The following ZEB1 variants were observed in gnomAD, a reference collection of about 807,000 sequenced individuals.
ZEB1 encodes zinc finger E-box binding homeobox 1.
ZEB1 carries 21 observed loss-of-function variants against 84.9 expected under a neutral mutation model. The ratio of observed to expected loss-of-function variants is 0.25; its 90% CI spans 0.18 to 0.36. The LOEUF is 0.36. Among genes scored for constraint, ZEB1 ranks in the 10% least tolerant of loss-of-function variants. The probability of loss-of-function intolerance (pLI) is 1.00; values close to 1 mark genes in which losing one functional copy is unlikely to be tolerated. For missense variants in ZEB1, 1,104 were observed against 1,330.2 expected, an observed-to-expected ratio of 0.83 and a Z score of 2.65; for synonymous variants, 420 against 471.1, an observed-to-expected ratio of 0.89 and a Z score of 1.41.
intron 5 of ZEB1, 29 bp downstream of exon 5, chr10:31,510,904 C>G: frequency 1.9e-6 from 3 of 1,608,304 alleles, no homozygotes; most frequent in Admixed American, 1.7e-5. Context: ...AGTTCACTAA[C>G]TTTCCAGATT....
chr10:31,475,727 T>G (rs1217919847), intron 2 of ZEB1, among the ~76,000 whole-genome samples: 5 of 152,104 alleles, frequency 3.3e-5, no homozygotes, highest in Non-Finnish European at 7.4e-5. Context: ...CTTTCCCAGA[T>G]AAGCACACAT....
intron 1 of ZEB1, among the ~76,000 whole-genome samples, chr10:31,424,567 C>T (rs910266014): frequency 2.6e-5 from 4 of 151,882 alleles, no homozygotes; most frequent in African/African-American, 7.2e-5. Flanking sequence ...ATATTTACTA[C>T]CTTCTTTGTT....
At chr10:31,348,576 GAAAA>G (rs999479075) in intron 1 of ZEB1, among the ~76,000 whole-genome samples, 1 of 151,286 alleles carries the variant, frequency 6.6e-6, no homozygotes, top group Non-Finnish European at 1.5e-5. Context: ...AAAATAAAAA[GAAAA>G]AAGAAAAAAT....
intron 1 of ZEB1, among the ~76,000 whole-genome samples, chr10:31,422,454 A>G (rs923309767): frequency 5.3e-5 from 8 of 152,122 alleles, no homozygotes; most frequent in Non-Finnish European, 1.2e-4. Context: ...TTCTTAAAAG[A>G]GAACTAAGTT....
At chr10:31,501,320 A>G (rs1171068532) in intron 3 of ZEB1, among the ~76,000 whole-genome samples, 2 of 152,206 alleles carry the variant, frequency 1.3e-5, no homozygotes, top group East Asian at 3.8e-4. Context: ...TGCTTTAGAA[A>G]CTTGGCAGCA....
At chr10:31,343,783 A>G (rs1261298614) in intron 1 of ZEB1, among the ~76,000 whole-genome samples, 3 of 152,090 alleles carry the variant, frequency 2.0e-5, no homozygotes, top group Non-Finnish European at 4.4e-5. Context: ...AAATACTACT[A>G]AGTGACCTTT....
At chr10:31,333,712 A>G (rs1284964343) in intron 1 of ZEB1, among the ~76,000 whole-genome samples, 1 of 152,092 alleles carries the variant, frequency 6.6e-6, no homozygotes, top group Non-Finnish European at 1.5e-5. Flanking sequence ...GTGCAAATAT[A>G]TTAGTAATTA....
At chr10:31,334,898 A>G (rs1431554012) in intron 1 of ZEB1, among the ~76,000 whole-genome samples, 1 of 152,190 alleles carries the variant, frequency 6.6e-6, no homozygotes, top group Non-Finnish European at 1.5e-5. Context: ...AAAGAAAAAA[A>G]TACCAATTCT....
intron 1 of ZEB1, among the ~76,000 whole-genome samples, chr10:31,359,768 G>A (rs2042696784): frequency 6.6e-6 from 1 of 152,056 alleles, no homozygotes; most frequent in Non-Finnish European, 1.5e-5. Context: ...CATTCAGTTA[G>A]TAAATTTTCC....
At chr10:31,457,748 C>T (rs1489738239) in intron 1 of ZEB1, among the ~76,000 whole-genome samples, 1 of 152,026 alleles carries the variant, frequency 6.6e-6, no homozygotes, top group Non-Finnish European at 1.5e-5. Context: ...CACCCAGTAT[C>T]TCTGGTTAAA....
chr10:31,500,467 A>C (rs2067965186), intron 3 of ZEB1, among the ~76,000 whole-genome samples: 1 of 152,166 alleles, frequency 6.6e-6, no homozygotes, highest in Non-Finnish European at 1.5e-5. Context: ...AACCAGGACC[A>C]GCATACCCCC....
intron 2 of ZEB1, among the ~76,000 whole-genome samples, chr10:31,490,249 A>G (rs950709805): frequency 1.3e-5 from 2 of 151,624 alleles, no homozygotes; most frequent in African/African-American, 4.8e-5. Context: ...TAAATTTGGG[A>G]AATTTTTAAA....
intron 2 of ZEB1, 119 bp downstream of exon 2, chr10:31,461,356 T>A: frequency 9.3e-7 from 1 of 1,074,968 alleles, no homozygotes; most frequent in Non-Finnish European, 1.4e-6. Context: ...TGGCTATCAA[T>A]AAATATTAGG....
chr10:31,331,081 C>CTTTTTTTTTTTTTTTTT (rs548615284), intron 1 of ZEB1, among the ~76,000 whole-genome samples: 20 of 77,848 alleles, frequency 2.6e-4, no homozygotes, highest in African/African-American at 6.8e-4. Context: ...TTCTTTCTTT[C>CTTTTTTTTTTTTTTTTT]TTTTTTTTTT....
Position 31,521,724 on chromosome 10 carries a change from G to C in ZEB1, c.2392G>C (p.Ala798Pro). Residue 798 changes from alanine to proline, a missense_variant, in exon 7 of 9, where the codon GCC (alanine) becomes CCC (proline). Physicochemically the swap from Ala to Pro is conservative, Grantham distance 27. Transcript: ENST00000424869. ...AGTTGTAAATGTAATCCCACCAAGT[G>C]CCAACCCCATAAATATCGCTATACC... ...EPVVNVIPPS[A>P]NPINIAIPTV... The C allele has an allele frequency of 6.2e-7, 1 of 1,614,104 alleles. No individual in the cohort carries two copies.
intron 1 of ZEB1, chr10:31,389,568 G>C (rs2049241251): frequency 1.3e-5 from 2 of 151,932 alleles, no homozygotes; most frequent in Admixed American, 1.3e-4. Context: ...GGTGAGAGAA[G>C]CAGTCTTATG....
At chr10:31,358,877 T>C (rs1373527479) in intron 1 of ZEB1, among the ~76,000 whole-genome samples, 2 of 152,176 alleles carry the variant, frequency 1.3e-5, no homozygotes, top group East Asian at 1.9e-4. Flanking sequence ...TACAAACAAA[T>C]GTAGGCCAAA....
rs557691246 is a variant in ZEB1 at position 31,397,291 on chromosome 10, C to T, written c.59-63746C>T. Among the ~76,000 whole-genome samples the T allele has an allele frequency of 4.6e-5, 7 of 150,994 alleles. No homozygotes were observed. In the East Asian group the frequency reaches 1.4e-3, roughly 29 times the overall value. On this transcript the variant is annotated intron_variant, in intron 1 of 8. Coordinates refer to ENST00000424869, the MANE Select transcript of ZEB1 (RefSeq NM_001174096.2). ...TGGGGAAATTAAAACACGTTAAATA[C>T]TTTCCCTTTATTTCACTATTTACTG...
intron 1 of ZEB1, among the ~76,000 whole-genome samples, chr10:31,449,333 A>C (rs1224162137): frequency 1.3e-5 from 2 of 152,190 alleles, no homozygotes; most frequent in East Asian, 3.9e-4. Flanking sequence ...AGTGAGATGA[A>C]CCTGGTACCT....
Sources: allele counts gnomAD v4.1 joint callset (sites outside exome capture counted in the v4.1 genomes callset), GRCh38; gene constraint gnomAD v4.1.1; transcripts MANE v1.5; gene names NCBI Gene and HGNC (gene_info 2026-07-23, HGNC 2026-07-21).